PPP3CA: variants seen among roughly 807,000 people sequenced by gnomAD.
The protein encoded by PPP3CA is protein phosphatase 3 catalytic subunit alpha.
PPP3CA carries 14 observed loss-of-function variants against 66.5 expected under a neutral mutation model. The observed-to-expected ratio is 0.21, with a 90% CI of 0.14 to 0.33. The LOEUF (loss-of-function observed/expected upper bound fraction) is 0.33, where lower values mean the gene tolerates loss of function less well. Ranked by LOEUF, PPP3CA falls within the 10% of genes least tolerant of loss-of-function variation. PPP3CA has a pLI of 1.00. For synonymous variants in PPP3CA, 232 were observed against 226.2 expected, an observed-to-expected ratio of 1.03 and a Z score of -0.23; for missense variants, 317 against 639.5, an observed-to-expected ratio of 0.50 and a Z score of 5.44.
chr4:101,177,453 CT>C (rs1724098398), intron 2 of PPP3CA, among the ~76,000 whole-genome samples: 1 of 152,078 alleles, frequency 6.6e-6, no homozygotes, highest in African/African-American at 2.4e-5. Context: ...ACTCTCATCA[CT>C]TTTAGACAAT....
chr4:101,322,178 A>G (rs185749307), intron 1 of PPP3CA, among the ~76,000 whole-genome samples: 10 of 152,290 alleles, frequency 6.6e-5, no homozygotes, highest in African/African-American at 2.4e-4. Flanking sequence ...AGCACAGTCT[A>G]TTCGAAAATG....
chr4:101,106,079 T>G (rs1269161693), intron 3 of PPP3CA, among the ~76,000 whole-genome samples: 1 of 151,898 alleles, frequency 6.6e-6, no homozygotes, highest in Non-Finnish European at 1.5e-5. Flanking sequence ...TCTGAGCACT[T>G]TGGGAGGTCA....
chr4:101,295,784 C>A (rs948111684), intron 1 of PPP3CA, among the ~76,000 whole-genome samples: 2 of 152,276 alleles, frequency 1.3e-5, no homozygotes, highest in Non-Finnish European at 2.9e-5. Context: ...GTTTCCATTC[C>A]CTCCTATGAT....
At chr4:101,249,891 T>C (rs998882815) in intron 1 of PPP3CA, among the ~76,000 whole-genome samples, 4 of 152,148 alleles carry the variant, frequency 2.6e-5, no homozygotes, top group African/African-American at 4.8e-5. Flanking sequence ...TACAACATAA[T>C]ACAAAATAGC....
rs117525234 is a variant in PPP3CA at position 101,042,657 on chromosome 4, A to C, written c.1157-2091T>G. Among the ~76,000 whole-genome samples, 118 of 152,232 alleles carry C rather than the reference A, an allele frequency of 7.8e-4. 1 individual carries two copies. The East Asian group carries it at 0.017, about 22-fold the overall frequency. ...GTGCAGGATCCCTACCTCTAATCGTATTCTGATTTTGTAAACAATATTAAT... is the reference window on the plus strand; with the variant it reads ...GTGCAGGATCCCTACCTCTAATCGTCTTCTGATTTTGTAAACAATATTAAT... On this transcript the variant is annotated intron_variant, in intron 10 of 13. Transcript: ENST00000394854.
intron 8 of PPP3CA, among the ~76,000 whole-genome samples, chr4:101,072,930 C>T (rs1173491620): frequency 3.6e-4 from 48 of 134,458 alleles, no homozygotes; most frequent in African/African-American, 1.2e-3. Flanking sequence ...AGTGAGACTC[C>T]TTCTCAAAAA....
At chr4:101,162,250 A>G (rs556085797) in intron 2 of PPP3CA, among the ~76,000 whole-genome samples, 109 of 149,850 alleles carry the variant, frequency 7.3e-4, no homozygotes, top group Middle Eastern at 7.2e-3. Context: ...AAACAAAAAA[A>G]GGCCAGGAAT....
At chr4:101,047,073 G>C (rs1727797743) in intron 10 of PPP3CA, among the ~76,000 whole-genome samples, 1 of 152,080 alleles carries the variant, frequency 6.6e-6, no homozygotes, top group Non-Finnish European at 1.5e-5. Flanking sequence ...ACCTTATCTT[G>C]TCTTTTTCTT....
intron 1 of PPP3CA, among the ~76,000 whole-genome samples, chr4:101,327,701 C>T (rs1195861465): frequency 6.6e-6 from 1 of 152,112 alleles, no homozygotes; most frequent in Non-Finnish European, 1.5e-5. Flanking sequence ...ATAATGACAA[C>T]TCAGCATCAA....
chr4:101,201,563 C>T (rs1272849126), intron 1 of PPP3CA, among the ~76,000 whole-genome samples: 3 of 152,244 alleles, frequency 2.0e-5, no homozygotes, highest in South Asian at 2.1e-4. Flanking sequence ...ACAAGCTCCA[C>T]ACCAGTCAAT....
chr4:101,127,062 C>T (rs1274576146), intron 2 of PPP3CA, among the ~76,000 whole-genome samples: 2 of 152,128 alleles, frequency 1.3e-5, no homozygotes, highest in African/African-American at 4.8e-5. Context: ...TCCCAGGGGA[C>T]AGAAATCTTG....
chr4:101,037,982 C>A (rs1404912208), intron 11 of PPP3CA, among the ~76,000 whole-genome samples: 2 of 152,224 alleles, frequency 1.3e-5, no homozygotes, highest in East Asian at 1.9e-4. Context: ...TGCTCCCCAA[C>A]TGAGGGAGTT....
At chr4:101,298,222 G>A (rs2110296069) in intron 1 of PPP3CA, among the ~76,000 whole-genome samples, 1 of 152,000 alleles carries the variant, frequency 6.6e-6, no homozygotes, top group African/African-American at 2.4e-5. Context: ...GAGTCCCTAA[G>A]ATGTAGCCCA....
At position 101,033,666 on chromosome 4, in the gene PPP3CA, G is replaced by GTT. The variant is rs1553920522; in HGVS notation, c.1242-1304_1242-1303dup. 8.5e-3 allele frequency among the ~76,000 whole-genome samples: 1,301 copies of GTT among 152,182 alleles called. 21 individuals carry two copies. The highest frequency in any genetic ancestry group is 0.03 in the African/African-American group (1,238 of 41,500). ...ACTTGGCACAGAATTAACCTAAAGT[G>GTT]TTAGGATTCAATCAATGGTCTTGAA... On this transcript the variant is annotated intron_variant, in intron 11 of 13. Transcript: ENST00000394854.
At chr4:101,063,098 A>C (rs1436658339) in intron 9 of PPP3CA, 134 bp downstream of exon 9, 8 of 1,165,682 alleles carry the variant, frequency 6.9e-6, no homozygotes, top group Non-Finnish European at 9.6e-6. Flanking sequence ...TGCCACTTCC[A>C]AATCACATCT....
At chr4:101,085,588 A>T (rs1729629389) in intron 6 of PPP3CA, among the ~76,000 whole-genome samples, 1 of 152,186 alleles carries the variant, frequency 6.6e-6, no homozygotes. Context: ...GAAAAACTTC[A>T]GACATTTTCA....
At chr4:101,059,427 C>T (rs960488953) in intron 10 of PPP3CA, among the ~76,000 whole-genome samples, 1 of 151,988 alleles carries the variant, frequency 6.6e-6, no homozygotes, top group African/African-American at 2.4e-5. Context: ...GTAATAAAGA[C>T]AAGAGAAGTT....
At chr4:101,229,096 T>C (rs759128992) in intron 1 of PPP3CA, among the ~76,000 whole-genome samples, 1 of 151,634 alleles carries the variant, frequency 6.6e-6, no homozygotes, top group Non-Finnish European at 1.5e-5. Context: ...GTTTAATAAG[T>C]AAATTATATC....
At chr4:101,156,596 C>T (rs1723329599) in intron 2 of PPP3CA, among the ~76,000 whole-genome samples, 1 of 152,068 alleles carries the variant, frequency 6.6e-6, no homozygotes, top group Non-Finnish European at 1.5e-5. Flanking sequence ...AGGAGAATCG[C>T]TTGAACCCAG....
Sources: gnomAD v4.1 joint callset for allele counts (sites outside exome capture counted in the v4.1 genomes callset) on GRCh38, gnomAD v4.1.1 for gene constraint, MANE v1.5 for transcripts, NCBI Gene and HGNC (gene_info 2026-07-23, HGNC 2026-07-21) for gene names.